The following RAB37 variants were observed in gnomAD, a reference collection of about 807,000 sequenced individuals.
RAB37 encodes the protein ras-related protein Rab-37.
A neutral mutation model predicts 33.1 loss-of-function variants in RAB37; 29 were observed. The observed-to-expected ratio is 0.88, with a 90% CI of 0.65 to 1.20. The LOEUF (loss-of-function observed/expected upper bound fraction) is 1.20, where lower values mean the gene tolerates loss of function less well. Ranked by LOEUF, RAB37 falls within the 50% of genes most tolerant of loss-of-function variation. The pLI is 0.00. For synonymous variants in RAB37, 128 were observed against 119.5 expected, an observed-to-expected ratio of 1.07 and a Z score of -0.47; for missense variants, 299 against 301.1, an observed-to-expected ratio of 0.99 and a Z score of 0.05.
chr17:74,677,808 T>C (rs2031868074), intron 1 of RAB37, among the ~76,000 whole-genome samples: 1 of 152,174 alleles, frequency 6.6e-6, no homozygotes, highest in South Asian at 2.1e-4. Context: ...CAGGAAATGA[T>C]GGTGACTCAG....
intron 1 of RAB37, among the ~76,000 whole-genome samples, chr17:74,678,222 G>A (rs2031882519): frequency 6.6e-6 from 1 of 152,192 alleles, no homozygotes; most frequent in South Asian, 2.1e-4. Flanking sequence ...CCAGCTGGGA[G>A]TGGCCCTGGA....
In RAB37 at chr17:74,698,432, A is replaced by C. The variant is rs201214384; in HGVS notation, c.72+26774A>C. 346 of 1,613,950 alleles carry C rather than the reference A, an allele frequency of 2.1e-4. 1 individual carries two copies. Among genetic ancestry groups the C allele is most frequent in the Non-Finnish European group, 2.8e-4 (326 of 1,180,010 alleles). ...GAGGCGGCCACCAAAAGCAGCAGCA[A>C]TATGGTGAAGATGAGGGGCAGGAGG... On this transcript the variant is annotated intron_variant, in intron 1 of 7. Transcript: ENST00000340415.
chr17:74,683,892 G>A (rs1247678846), intron 1 of RAB37, among the ~76,000 whole-genome samples: 3 of 152,160 alleles, frequency 2.0e-5, no homozygotes, highest in South Asian at 4.1e-4. Context: ...CGAGGGTCAC[G>A]GGCAGCAGGA....
chr17:74,716,700 A>C (rs1039289397), intron 1 of RAB37, among the ~76,000 whole-genome samples: 1 of 151,236 alleles, frequency 6.6e-6, no homozygotes, highest in Admixed American at 6.6e-5. Context: ...AGGGTCAGGG[A>C]GGGGGCAGAG....
chr17:74,701,753 G>T (rs1011515614), intron 1 of RAB37, among the ~76,000 whole-genome samples: 20 of 151,798 alleles, frequency 1.3e-4, no homozygotes, highest in African/African-American at 4.8e-4. Flanking sequence ...GAGAAGCTGA[G>T]GTATGAGAAT....
At chr17:74,740,277 T>C (rs1259371543) in intron 1 of RAB37, among the ~76,000 whole-genome samples, 2 of 152,078 alleles carry the variant, frequency 1.3e-5, no homozygotes, top group Non-Finnish European at 2.9e-5. Context: ...CCCCAGCAGA[T>C]TCTGATAGAC....
chr17:74,720,323 G>T (rs777898677), intron 1 of RAB37, among the ~76,000 whole-genome samples: 1 of 152,152 alleles, frequency 6.6e-6, no homozygotes, highest in East Asian at 1.9e-4. Context: ...GGTGGCTCAC[G>T]ACTGTAATGC....
chr17:74,673,258 C>A (rs2031745950), intron 1 of RAB37, among the ~76,000 whole-genome samples: 1 of 151,730 alleles, frequency 6.6e-6, no homozygotes, highest in Non-Finnish European at 1.5e-5. Context: ...CAAAAATTCG[C>A]TGGGCATGGT....
At chr17:74,699,838 C>G (rs2032873031) in intron 1 of RAB37, among the ~76,000 whole-genome samples, 1 of 152,054 alleles carries the variant, frequency 6.6e-6, no homozygotes, top group Non-Finnish European at 1.5e-5. Flanking sequence ...ACACCCCTCT[C>G]TTTCTCAAAA....
chr17:74,685,843 A>C (rs2032043172), intron 1 of RAB37, among the ~76,000 whole-genome samples: 1 of 152,244 alleles, frequency 6.6e-6, no homozygotes, highest in South Asian at 2.1e-4. Flanking sequence ...TCATTCACAA[A>C]GTGGATTCAA....
rs1001141746 is a variant in RAB37 at position 74,726,118 on chromosome 17, C to T, written c.73-3138C>T. On this transcript the variant is annotated intron_variant, in intron 1 of 7. Transcript: ENST00000340415. ...GGTGTGGTGGCGGGCGCCTGTAGTC[C>T]CAGCTACTTGGGAGGCTGAGGCAGA... Among the ~76,000 whole-genome samples, 47 of 151,692 alleles carry T rather than the reference C, an allele frequency of 3.1e-4. 1 individual carries two copies. Among genetic ancestry groups the T allele is most frequent in the Non-Finnish European group, 5.7e-4 (39 of 67,950 alleles).
chr17:74,699,748 G>A (rs1437807802), intron 1 of RAB37, among the ~76,000 whole-genome samples: 2 of 152,088 alleles, frequency 1.3e-5, no homozygotes, highest in South Asian at 2.1e-4. Flanking sequence ...TCGTAACGGC[G>A]GCCACAGGAC....
At chr17:74,732,824 G>A (rs1454222158), upstream of RAB37, among the ~76,000 whole-genome samples, 1 of 151,710 alleles carries the variant, frequency 6.6e-6, no homozygotes, top group Non-Finnish European at 1.5e-5. Flanking sequence ...AGGTGTGTGT[G>A]TGTGGTTTCA....
chr17:74,739,183 C>G (rs1349607235), intron 1 of RAB37, among the ~76,000 whole-genome samples: 2 of 152,238 alleles, frequency 1.3e-5, no homozygotes, highest in Non-Finnish European at 2.9e-5. Context: ...AACCTAGTCC[C>G]TGCTTAACCC....
intron 1 of RAB37, among the ~76,000 whole-genome samples, chr17:74,684,742 A>G (rs751810700): frequency 6.6e-6 from 1 of 152,158 alleles, no homozygotes; most frequent in Non-Finnish European, 1.5e-5. Context: ...GTGAGCCAAG[A>G]TTGTGCCACT....
At chr17:74,727,413 G>A (rs776488401) in intron 1 of RAB37, among the ~76,000 whole-genome samples, 6 of 152,238 alleles carry the variant, frequency 3.9e-5, no homozygotes, top group Admixed American at 6.5e-5. Flanking sequence ...GTGAAGGAAA[G>A]AGGGCAGAAA....
chr17:74,700,348 C>T (rs2032933047), intron 1 of RAB37, among the ~76,000 whole-genome samples: 2 of 152,082 alleles, frequency 1.3e-5, no homozygotes, highest in African/African-American at 4.8e-5. Context: ...CAGGCACATC[C>T]CCACATTACG....
chr17:74,745,469 C>T lies in RAB37; in HGVS notation c.*58C>T. On this transcript the variant is annotated 3_prime_UTR_variant, in exon 9 of 9. Coordinates refer to ENST00000392613, the MANE Select transcript of RAB37 (RefSeq NM_001006638.3). The surrounding 1 kb of genome is among the most constrained non-coding windows in gnomAD (Gnocchi z 4.5). ...ACACAGGATGCAGCCTTCCCCCTCCCAGGCCTGGCTTATTCCAAGAGGCTG... is the reference window on the plus strand; with the variant it reads ...ACACAGGATGCAGCCTTCCCCCTCCTAGGCCTGGCTTATTCCAAGAGGCTG... 7.1e-7 allele frequency: 1 copy of T among 1,411,554 alleles called. No individual in the cohort carries two copies. The highest frequency in any genetic ancestry group is 1.0e-6 in the Non-Finnish European group (1 of 997,662). 87.4% of individuals were successfully genotyped at this position (1,411,554 alleles called of 1,614,324 possible).
At chr17:74,740,917 A>G (rs1443773451) in intron 2 of RAB37, 39 bp downstream of exon 2, 4 of 1,472,142 alleles carry the variant, frequency 2.7e-6, no homozygotes, top group Admixed American at 1.7e-5. Flanking sequence ...GCAGAGAGCC[A>G]GGGCTGTGGC....
Sources: gnomAD v4.1 joint callset for allele counts (sites outside exome capture counted in the v4.1 genomes callset) on GRCh38, gnomAD v4.1.1 for gene constraint, Gnocchi (gnomAD v3.1) non-coding constraint, MANE v1.5 for transcripts, NCBI Gene and HGNC (gene_info 2026-07-23, HGNC 2026-07-21) for gene names.